Variants in CEP126 observed in about 807,000 individuals in gnomAD.
CEP126 encodes centrosomal protein 126.
CEP126 carries 74 observed loss-of-function variants against 107.8 expected under a neutral mutation model. The observed-to-expected ratio is 0.69, with a 90% CI of 0.57 to 0.83. The LOEUF is 0.83. Ranked by LOEUF, CEP126 falls within the 40% of genes least tolerant of loss-of-function variation. CEP126 has a pLI of 0.00. For missense variants in CEP126, 1,237 were observed against 1,281.9 expected (o/e 0.96, Z 0.53); for synonymous variants, 449 against 446.0 (o/e 1.01, Z -0.08).
chr11:101,929,278 T>G (rs1466811945), intron 2 of CEP126, among the ~76,000 whole-genome samples: 1 of 152,220 alleles, frequency 6.6e-6, no homozygotes, highest in Non-Finnish European at 1.5e-5. Context: ...GAATGACAAG[T>G]GATTTTCTAT....
chr11:101,978,399 T>C lies in CEP126; in HGVS notation c.2898T>C (p.Ile966=), dbSNP rs770448268. 4.2e-5 allele frequency: 68 copies of C among 1,613,570 alleles called. No individual in the cohort carries two copies. The South Asian group carries it at 7.2e-4, about 17-fold the overall frequency. The change falls in exon 7 of 11, where the codon ATT becomes ATC. Residue 966 remains isoleucine, a synonymous_variant. Coordinates refer to ENST00000263468, the MANE Select transcript of CEP126 (RefSeq NM_020802.4). ...KRIAETKRRN[I]LEQKRQNPGS... ...TTGCTGAAACTAAGCGGAGAAATAT[T>C]TTAGAGCAGAAAAGACAAAACCCTG...
In CEP126 at chr11:101,962,129, A is replaced by G. The variant is rs1020368425; in HGVS notation, c.1094A>G (p.Asn365Ser). The part of the protein sequence containing the change: ...GTVERATNTA[N>S]NSVPFVSSPP... ...GTGGAAAGAGCCACAAATACTGCTA[A>G]TAATTCAGTACCCTTTGTATCTAGC... The change falls in exon 6 of 11, where the codon AAT becomes AGT. Residue 365 changes from asparagine to serine, a missense_variant. Physicochemically the swap from Asn to Ser is conservative, Grantham distance 46. Around this residue, in one of 3 missense-constraint regions of CEP126, gnomAD observed 1,134 missense variants for 1,150.5 expected, o/e 0.99. Transcript: ENST00000263468. 6.8e-6 allele frequency: 11 copies of G among 1,612,176 alleles called. No homozygotes were observed. Among genetic ancestry groups the G allele is most frequent in the Non-Finnish European group, 9.3e-6 (11 of 1,179,422 alleles).
chr11:101,996,823 T>G (rs1314442304), intron 10 of CEP126, among the ~76,000 whole-genome samples: 1 of 152,178 alleles, frequency 6.6e-6, no homozygotes, highest in African/African-American at 2.4e-5. Flanking sequence ...CCTTCTGGCG[T>G]GCCTAACTAT....
rs549697919 is a variant in CEP126, at chr11:101,993,932, C to T, written c.3309+1090C>T. 3.3e-5 allele frequency among the ~76,000 whole-genome samples: 5 copies of T among 152,080 alleles called. No homozygotes were observed. In the South Asian group the frequency reaches 1.0e-3, roughly 32 times the overall value. On this transcript the variant is annotated intron_variant, in intron 10 of 10. Transcript: ENST00000263468. The stretch of plus-strand genomic sequence containing the variant: ...TTGCTTGTTAATTCATTTTAGGTTC[C>T]TTATAGATTCTTGATATTAGGCCAG...
chr11:101,956,099 C>T, intron 4 of CEP126: 1 of 456,768 alleles, frequency 2.2e-6, no homozygotes, highest in Non-Finnish European at 4.4e-6. Context: ...TTCTTGCCCA[C>T]CTGGCCATCC....
intron 6 of CEP126, among the ~76,000 whole-genome samples, chr11:101,974,516 C>T (rs1026355029): frequency 1.3e-5 from 2 of 152,092 alleles, no homozygotes; most frequent in African/African-American, 4.8e-5. Flanking sequence ...GAGGATGCCC[C>T]CATGAGGTAG....
At chr11:101,952,764 A>G (rs935252953) in intron 4 of CEP126, among the ~76,000 whole-genome samples, 3 of 152,224 alleles carry the variant, frequency 2.0e-5, no homozygotes, top group Non-Finnish European at 2.9e-5. Flanking sequence ...TCTTATAGTA[A>G]GAAATCTGGG....
chr11:101,919,947 G>A (rs1303377136), intron 1 of CEP126, among the ~76,000 whole-genome samples: 1 of 152,180 alleles, frequency 6.6e-6, no homozygotes, highest in Admixed American at 6.5e-5. Context: ...TCTTGTTGAA[G>A]TCTGGCTCTT....
rs1248373238 is a variant in CEP126, at chr11:101,978,348, G to T, written c.2847G>T (p.Gly949=). 3.1e-6 allele frequency: 5 copies of T among 1,605,034 alleles called. No homozygotes were observed. The highest frequency in any genetic ancestry group is 2.2e-5 in the East Asian group (1 of 44,756). ...NVLHQNKRAT[G]STVMRRKRIA... ...ACATTGTGCTGGCATTTGTTTAAGG[G>T]TCTACTGTTATGAGAAGAAAACGAA... is the stretch of plus-strand genomic sequence containing the variant. The change falls in exon 7 of 11, where the codon GGG becomes GGT. Residue 949 remains glycine, a splice_region_variant and synonymous_variant. Coordinates refer to ENST00000263468, the MANE Select transcript of CEP126 (RefSeq NM_020802.4).
At chr11:101,967,444 C>A (rs1229404840) in intron 6 of CEP126, among the ~76,000 whole-genome samples, 2 of 152,160 alleles carry the variant, frequency 1.3e-5, no homozygotes, top group Non-Finnish European at 2.9e-5. Context: ...TCTCTGCCTT[C>A]TTCTAAGTAG....
At chr11:101,964,041 T>C (rs1248631353) in intron 6 of CEP126, among the ~76,000 whole-genome samples, 161 bp downstream of exon 6, 3 of 152,078 alleles carry the variant, frequency 2.0e-5, no homozygotes, top group Non-Finnish European at 4.4e-5. Context: ...CACAGTGGCT[T>C]ACACCTGTAA....
At chr11:101,984,673 T>C (rs555931485) in intron 8 of CEP126, among the ~76,000 whole-genome samples, 1 of 152,304 alleles carries the variant, frequency 6.6e-6, no homozygotes, top group Admixed American at 6.5e-5. Flanking sequence ...CAAGAAATTA[T>C]GTCAGTTTAT....
intron 6 of CEP126, among the ~76,000 whole-genome samples, chr11:101,969,312 C>G (rs189277944): frequency 1.3e-5 from 2 of 152,320 alleles, no homozygotes; most frequent in East Asian, 3.9e-4. Flanking sequence ...TGAGCCACCA[C>G]ACCCAGCCAA....
At chr11:101,952,593 C>G (rs888915039) in intron 4 of CEP126, among the ~76,000 whole-genome samples, 1 of 151,896 alleles carries the variant, frequency 6.6e-6, no homozygotes, top group African/African-American at 2.4e-5. Context: ...ATGAGGACTA[C>G]GAGGTTAAGA....
chr11:101,937,892 G>A (rs932861561), intron 2 of CEP126, among the ~76,000 whole-genome samples: 3 of 151,534 alleles, frequency 2.0e-5, no homozygotes, highest in South Asian at 2.1e-4. Flanking sequence ...GGTGGCTCAC[G>A]CCTGTAATCC....
At chr11:101,976,907 TA>T (rs1314869225) in intron 6 of CEP126, among the ~76,000 whole-genome samples, 5 of 152,210 alleles carry the variant, frequency 3.3e-5, no homozygotes, top group Admixed American at 6.5e-5. Context: ...TTTACTATAA[TA>T]ATTCATTTAT....
intron 2 of CEP126, among the ~76,000 whole-genome samples, chr11:101,926,036 T>G (rs1403969015): frequency 1.3e-5 from 2 of 152,124 alleles, no homozygotes; most frequent in African/African-American, 4.8e-5. Context: ...GATAGTCATT[T>G]ATTCACTCAA....
At chr11:101,993,122 G>A (rs1034369372) in intron 10 of CEP126, among the ~76,000 whole-genome samples, 2 of 152,068 alleles carry the variant, frequency 1.3e-5, no homozygotes, top group South Asian at 2.1e-4. Context: ...ATTGTGTATC[G>A]CAGGGGTTTG....
intron 6 of CEP126, among the ~76,000 whole-genome samples, chr11:101,964,293 C>T (rs1409852315): frequency 6.9e-6 from 1 of 145,980 alleles, no homozygotes; most frequent in Non-Finnish European, 1.5e-5. Flanking sequence ...CAGAGCAAGA[C>T]TCTGTCTGAA....
Sources: allele counts gnomAD v4.1 joint callset (sites outside exome capture counted in the v4.1 genomes callset), GRCh38; gene constraint gnomAD v4.1.1; regional missense constraint gnomAD v4.1.1; transcripts MANE v1.5; gene names NCBI Gene and HGNC (gene_info 2026-07-23, HGNC 2026-07-21).